Variants in SLCO3A1 observed in about 807,000 individuals in gnomAD.
SLCO3A1 encodes solute carrier organic anion transporter family member 3A1, also known as PGE1 transporter.
In SLCO3A1, 27 loss-of-function variants were observed where a neutral mutation model predicts 63.1. That is an observed-to-expected ratio of 0.43 (90% CI 0.32 to 0.59). The LOEUF (loss-of-function observed/expected upper bound fraction) is 0.59. SLCO3A1 is among the 20% of genes least tolerant of loss of function. SLCO3A1 has a pLI of 0.09. For missense variants in SLCO3A1, 773 were observed against 945.8 expected (o/e 0.82, Z 2.40); for synonymous variants, 473 against 409.9 (o/e 1.15, Z -1.86).
intron 2 of SLCO3A1, among the ~76,000 whole-genome samples, chr15:92,086,668 T>G (rs2047408260): frequency 6.6e-6 from 1 of 152,180 alleles, no homozygotes; most frequent in Admixed American, 6.5e-5. Flanking sequence ...GCTAGTGTTT[T>G]TTAAGTTTGT....
intron 9 of SLCO3A1, among the ~76,000 whole-genome samples, chr15:92,154,073 G>A (rs1323554034): frequency 6.6e-6 from 1 of 152,238 alleles, no homozygotes; most frequent in African/African-American, 2.4e-5. Flanking sequence ...TGTCTGCCAT[G>A]TGGAGAATAA....
rs557914706 is a variant in SLCO3A1, at chr15:92,000,391, T to C, written c.646+83933T>C. ...GAGGCTTTAACTCTGTAATGTTTTT[T>C]TCCTTTTTTTTTAAAAAAAAAAAAA... On this transcript the variant is annotated intron_variant, in intron 2 of 9. Coordinates refer to ENST00000318445, the MANE Select transcript of SLCO3A1 (RefSeq NM_013272.4). 2.2e-4 allele frequency among the ~76,000 whole-genome samples: 34 copies of C among 151,256 alleles called. No homozygotes were observed. In the South Asian group the frequency reaches 6.9e-3, roughly 31 times the overall value.
intron 2 of SLCO3A1, among the ~76,000 whole-genome samples, chr15:92,042,666 G>A (rs2046813953): frequency 6.6e-6 from 1 of 152,142 alleles, no homozygotes; most frequent in Admixed American, 6.5e-5. Context: ...ACTTTAATGT[G>A]CCTCAAAGAG....
chr15:92,168,820 C>A (rs550293436), downstream of SLCO3A1, among the ~76,000 whole-genome samples: 1 of 152,166 alleles, frequency 6.6e-6, no homozygotes, highest in Non-Finnish European at 1.5e-5. Context: ...TGTGACGTGG[C>A]GGATTTGAAC....
chr15:92,161,346 G>A (rs1413149637), intron 9 of SLCO3A1, among the ~76,000 whole-genome samples: 1 of 152,180 alleles, frequency 6.6e-6, no homozygotes, highest in Non-Finnish European at 1.5e-5. Flanking sequence ...TGATTTCAGT[G>A]GTCTGGGATG....
intron 2 of SLCO3A1, among the ~76,000 whole-genome samples, chr15:91,987,231 A>T (rs1020798760): frequency 2.0e-5 from 3 of 152,174 alleles, no homozygotes; most frequent in Admixed American, 2.0e-4. Flanking sequence ...GTGCCACATG[A>T]AGGGGGAGCA....
intron 2 of SLCO3A1, among the ~76,000 whole-genome samples, chr15:92,021,275 C>T (rs76554521): frequency 3.5e-3 from 531 of 152,332 alleles, no homozygotes; most frequent in African/African-American, 0.012. Context: ...CCTAGCCAAC[C>T]GTGCAGTTAG....
At chr15:92,155,324 T>G (rs577171139) in intron 9 of SLCO3A1, 1 of 152,362 alleles carries the variant, frequency 6.6e-6, no homozygotes, top group East Asian at 1.9e-4. Flanking sequence ...AACATACATG[T>G]GCTGAGACTC....
chr15:92,037,784 G>A (rs1417380138), intron 2 of SLCO3A1, among the ~76,000 whole-genome samples: 5 of 152,268 alleles, frequency 3.3e-5, no homozygotes, highest in East Asian at 1.9e-4. Flanking sequence ...TAGAATATTA[G>A]CAGGCTTCCT....
At chr15:92,117,283 T>A (rs546497808) in intron 4 of SLCO3A1, among the ~76,000 whole-genome samples, 3 of 152,158 alleles carry the variant, frequency 2.0e-5, no homozygotes, top group African/African-American at 7.2e-5. Flanking sequence ...AAGAGCAAAG[T>A]TGCTAATCAG....
At chr15:91,920,528 T>G (rs751743070) in intron 2 of SLCO3A1, among the ~76,000 whole-genome samples, 8 of 152,072 alleles carry the variant, frequency 5.3e-5, no homozygotes, top group Non-Finnish European at 1.2e-4. Flanking sequence ...TGTAAAGAGG[T>G]TGCACCCCTG....
chr15:92,169,044 G>T (rs372831743), downstream of SLCO3A1, among the ~76,000 whole-genome samples: 8 of 152,264 alleles, frequency 5.3e-5, no homozygotes, highest in East Asian at 1.5e-3. Flanking sequence ...GATATGCCAG[G>T]TAAAATACTT....
intron 1 of SLCO3A1, among the ~76,000 whole-genome samples, chr15:91,887,261 C>T (rs1897747204): frequency 6.6e-6 from 1 of 152,146 alleles, no homozygotes; most frequent in South Asian, 2.1e-4. Flanking sequence ...TTTACCCCTT[C>T]CCCCTTCCTC....
chr15:91,873,082 T>G (rs899357767), intron 1 of SLCO3A1, among the ~76,000 whole-genome samples: 2 of 152,248 alleles, frequency 1.3e-5, no homozygotes, highest in Non-Finnish European at 2.9e-5. Flanking sequence ...GAGTGTTCTG[T>G]GTCAGTGTGA....
intron 2 of SLCO3A1, among the ~76,000 whole-genome samples, chr15:91,988,490 A>G (rs1483233829): frequency 6.6e-6 from 1 of 152,120 alleles, no homozygotes; most frequent in Non-Finnish European, 1.5e-5. Flanking sequence ...AGTGAGCCCA[A>G]GGAAAACTTG....
At position 91,953,321 on chromosome 15, in the gene SLCO3A1, G is replaced by A. The variant is rs533901238; in HGVS notation, c.646+36863G>A. Among the ~76,000 whole-genome samples the A allele has an allele frequency of 6.6e-5, 10 of 152,328 alleles. No homozygotes were observed. In the East Asian group the frequency reaches 1.5e-3, roughly 24 times the overall value. The stretch of plus-strand genomic sequence containing the variant: ...GAGGGAACTATGCTATGGCTGGGGC[G>A]ATGAGTGAAGTACAGCCTCTGCCCT... On this transcript the variant is annotated intron_variant, in intron 2 of 9. Transcript: ENST00000318445.
At chr15:92,171,551 A>G (rs2048521523) in intron 10 of SLCO3A1, 2 of 507,786 alleles carry the variant, frequency 3.9e-6, no homozygotes, top group Non-Finnish European at 7.1e-6. Context: ...ATGTAGATAA[A>G]TATCCTTCCC....
At chr15:92,168,446 C>G (rs574381689), downstream of SLCO3A1, among the ~76,000 whole-genome samples, 3 of 152,328 alleles carry the variant, frequency 2.0e-5, no homozygotes, top group Admixed American at 6.5e-5. Flanking sequence ...ACTGTGAGAT[C>G]AGCCATAGAC....
At chr15:92,078,737 A>C (rs149618614) in intron 2 of SLCO3A1, among the ~76,000 whole-genome samples, 22 of 152,210 alleles carry the variant, frequency 1.4e-4, no homozygotes, top group African/African-American at 5.1e-4. Context: ...TCTGTGTCTC[A>C]GTTTCCTTAC....
Sources: gnomAD v4.1 joint callset for allele counts (sites outside exome capture counted in the v4.1 genomes callset) on GRCh38, gnomAD v4.1.1 for gene constraint, MANE v1.5 for transcripts, NCBI Gene and HGNC (gene_info 2026-07-23, HGNC 2026-07-21) for gene names.